FMN1: variants seen among roughly 807,000 people sequenced by gnomAD.
The protein encoded by FMN1 is formin-1.
Under a neutral mutation model 132.4 loss-of-function variants are expected in FMN1, and 110 were observed. The ratio of observed to expected loss-of-function variants is 0.83; its 90% CI spans 0.71 to 0.97. FMN1 has a LOEUF of 0.97. Among genes scored for constraint, FMN1 ranks in the 50% least tolerant of loss-of-function variants. The probability of loss-of-function intolerance (pLI) is 0.00; values close to 1 mark genes in which losing one functional copy is unlikely to be tolerated. For missense variants in FMN1, 1,792 were observed against 1,705.3 expected, an observed-to-expected ratio of 1.05 and a Z score of -0.90; for synonymous variants, 722 against 651.7, an observed-to-expected ratio of 1.11 and a Z score of -1.64.
chr15:32,881,869 C>T (rs1675891062), intron 16 of FMN1, among the ~76,000 whole-genome samples: 1 of 152,174 alleles, frequency 6.6e-6, no homozygotes, highest in Non-Finnish European at 1.5e-5. Context: ...CTAACTTCCA[C>T]ACATGGAAGA....
At chr15:33,117,890 C>T (rs563200177) in intron 4 of FMN1, among the ~76,000 whole-genome samples, 1 of 152,242 alleles carries the variant, frequency 6.6e-6, no homozygotes, top group Admixed American at 6.5e-5. Flanking sequence ...ATTCAAATGC[C>T]TGTTCTTCAT....
chr15:32,980,264 A>C (rs953076691), intron 7 of FMN1, among the ~76,000 whole-genome samples: 1 of 152,092 alleles, frequency 6.6e-6, no homozygotes, highest in Non-Finnish European at 1.5e-5. Context: ...ATGGACCCAA[A>C]GAGAAATATT....
intron 16 of FMN1, among the ~76,000 whole-genome samples, chr15:32,870,161 G>C (rs1367184299): frequency 6.6e-6 from 1 of 152,072 alleles, no homozygotes; most frequent in Admixed American, 6.5e-5. Flanking sequence ...TCCTTTCATG[G>C]TAGTAGGACT....
intron 7 of FMN1, among the ~76,000 whole-genome samples, chr15:32,983,756 T>G (rs1181876767): frequency 6.6e-6 from 1 of 152,160 alleles, no homozygotes; most frequent in Non-Finnish European, 1.5e-5. Flanking sequence ...GAGACTCAAG[T>G]GTTCAAATTT....
chr15:32,887,516 T>C (rs1276767834), intron 16 of FMN1, among the ~76,000 whole-genome samples: 1 of 152,236 alleles, frequency 6.6e-6, no homozygotes, highest in Admixed American at 6.5e-5. Flanking sequence ...TTTTGACTAA[T>C]TAAAAATGTA....
intron 5 of FMN1, among the ~76,000 whole-genome samples, chr15:33,077,902 G>A (rs796842768): frequency 2.8e-4 from 43 of 151,856 alleles, no homozygotes; most frequent in African/African-American, 9.9e-4. Context: ...CATCATCACT[G>A]GCCATCAGAA....
intron 6 of FMN1, chr15:33,063,612 G>A (rs2037584876): frequency 6.6e-6 from 1 of 152,140 alleles, no homozygotes; most frequent in African/African-American, 2.4e-5. Context: ...CATTGATACA[G>A]TCATATATGT....
intron 3 of FMN1, among the ~76,000 whole-genome samples, chr15:33,158,084 A>G (rs1964747569): frequency 6.6e-6 from 1 of 152,142 alleles, no homozygotes; most frequent in Non-Finnish European, 1.5e-5. Flanking sequence ...GCTGCTCCCT[A>G]AGGTCATCCC....
intron 6 of FMN1, among the ~76,000 whole-genome samples, chr15:33,020,626 G>A (rs1359432319): frequency 1.6e-5 from 2 of 128,664 alleles, no homozygotes; most frequent in African/African-American, 6.1e-5. Flanking sequence ...AGACAAGAGC[G>A]AAACTCCGTC....
At chr15:33,000,251 T>C (rs1480344677) in intron 7 of FMN1, among the ~76,000 whole-genome samples, 1 of 151,962 alleles carries the variant, frequency 6.6e-6, no homozygotes, top group Non-Finnish European at 1.5e-5. Flanking sequence ...AGATCAAGAC[T>C]ATGCCGGCTA....
At chr15:32,949,425 CA>C (rs1022001351) in intron 9 of FMN1, among the ~76,000 whole-genome samples, 2 of 152,192 alleles carry the variant, frequency 1.3e-5, no homozygotes, top group South Asian at 4.2e-4. Context: ...TGACCTTTGA[CA>C]AACTTGACAA....
At position 33,165,533 on chromosome 15, in the gene FMN1, G is replaced by A. The variant is rs181850331; in HGVS notation, c.-131-10488C>T. Reference sequence around the variant, plus strand: ...AGCCTCCCGAGTAGCTGGGAATACAGGCGCCCGCCACCACGCCCGGCTAAT... The same window carrying A: ...AGCCTCCCGAGTAGCTGGGAATACAAGCGCCCGCCACCACGCCCGGCTAAT... On this transcript the variant is annotated intron_variant, in intron 3 of 20. Transcript: ENST00000616417. Among the ~76,000 whole-genome samples the A allele has an allele frequency of 9.5e-3, 1,449 of 152,288 alleles. 23 individuals are homozygous for A. The highest frequency in any genetic ancestry group is 0.033 in the African/African-American group (1,369 of 41,552).
chr15:33,161,249 G>A (rs2140300571), intron 3 of FMN1, among the ~76,000 whole-genome samples: 1 of 152,288 alleles, frequency 6.6e-6, no homozygotes, highest in Middle Eastern at 3.4e-3. Context: ...AAGACCAAGA[G>A]ACTGACTTTT....
intron 4 of FMN1, among the ~76,000 whole-genome samples, chr15:33,091,390 A>G (rs1429782917): frequency 6.6e-6 from 1 of 152,190 alleles, no homozygotes; most frequent in Non-Finnish European, 1.5e-5. Context: ...CTCTACGCAG[A>G]GCAAAAACAA....
intron 6 of FMN1, among the ~76,000 whole-genome samples, chr15:33,032,840 T>TG (rs550668328): frequency 1.6e-4 from 24 of 151,434 alleles, no homozygotes; most frequent in Non-Finnish European, 2.8e-4. Flanking sequence ...CAGTGGGACC[T>TG]GGGGGGGTTA....
chr15:33,013,748 G>GTCA (rs1171301848), intron 6 of FMN1, among the ~76,000 whole-genome samples: 1 of 152,164 alleles, frequency 6.6e-6, no homozygotes, highest in African/African-American at 2.4e-5. Context: ...CCTAACCCAT[G>GTCA]TCATGATAAA....
chr15:33,120,808 C>T (rs566474171), intron 4 of FMN1, among the ~76,000 whole-genome samples: 21 of 151,830 alleles, frequency 1.4e-4, no homozygotes, highest in Middle Eastern at 3.4e-3. Context: ...AACATTCTTG[C>T]ATGTTTATGT....
chr15:33,059,885 T>C (rs1407003812), intron 6 of FMN1, among the ~76,000 whole-genome samples: 2 of 152,256 alleles, frequency 1.3e-5, no homozygotes, highest in African/African-American at 4.8e-5. Flanking sequence ...TATGTGATTC[T>C]TGAGTCTCCA....
chr15:32,791,800 G>C (rs1471097416), intron 19 of FMN1, among the ~76,000 whole-genome samples: 1 of 152,172 alleles, frequency 6.6e-6, no homozygotes, highest in Non-Finnish European at 1.5e-5. Context: ...TGTTGCAATT[G>C]AAAGTTAGGG....
Sources: allele counts gnomAD v4.1 joint callset (sites outside exome capture counted in the v4.1 genomes callset), GRCh38; gene constraint gnomAD v4.1.1; transcripts MANE v1.5; gene names NCBI Gene and HGNC (gene_info 2026-07-23, HGNC 2026-07-21).